The following ZNF277 variants were observed in gnomAD, a reference collection of about 807,000 sequenced individuals.
The protein encoded by ZNF277 is zinc finger protein 277.
In ZNF277, 55 loss-of-function variants were observed where a neutral mutation model predicts 60.7. The observed-to-expected ratio is 0.91, with a 90% CI of 0.73 to 1.13. ZNF277 has a LOEUF of 1.13. Ranked by LOEUF, ZNF277 falls within the 50% of genes most tolerant of loss-of-function variation. ZNF277 has a pLI of 0.00. For synonymous variants in ZNF277, 178 were observed against 179.3 expected, an observed-to-expected ratio of 0.99 and a Z score of 0.06; for missense variants, 510 against 523.0, an observed-to-expected ratio of 0.98 and a Z score of 0.24.
At chr7:112,339,302 A>C (rs1374166785) in intron 9 of ZNF277, among the ~76,000 whole-genome samples, 14 of 152,210 alleles carry the variant, frequency 9.2e-5, no homozygotes, top group African/African-American at 3.4e-4. Context: ...TATAGATATA[A>C]GCTATGAGCA....
chr7:112,212,552 C>T (rs1821778811), intron 1 of ZNF277, among the ~76,000 whole-genome samples: 1 of 152,172 alleles, frequency 6.6e-6, no homozygotes, highest in Admixed American at 6.5e-5. Flanking sequence ...AGTCAGACCT[C>T]AGTAAGTATT....
intron 1 of ZNF277, among the ~76,000 whole-genome samples, chr7:112,209,074 T>C (rs1380335843): frequency 6.6e-6 from 1 of 152,182 alleles, no homozygotes; most frequent in Non-Finnish European, 1.5e-5. Context: ...ATAGAAACCC[T>C]TCCACGTCAG....
intron 5 of ZNF277, among the ~76,000 whole-genome samples, chr7:112,323,802 G>A (rs77249016): frequency 0.11 from 17,489 of 152,218 alleles, 1,215 homozygotes; most frequent in East Asian, 0.15. Flanking sequence ...TTCCAGAAGT[G>A]CTTCTCTCAA....
At chr7:112,241,979 A>G (rs574562761) in intron 1 of ZNF277, among the ~76,000 whole-genome samples, 1 of 152,242 alleles carries the variant, frequency 6.6e-6, no homozygotes, top group East Asian at 1.9e-4. Flanking sequence ...CCTATTGTAC[A>G]TTTAAAAAAT....
Position 112,215,163 on chromosome 7 carries a change from T to C in ZNF277, c.91+8356T>C, listed in dbSNP as rs555263626. On this transcript the variant is annotated intron_variant, in intron 1 of 11. Transcript: ENST00000361822. ...TCAAAAGGAGCTGTCAGCTAAAAGC[T>C]GTATGACCTTCAGCAAGTAATAGGA... 5.3e-5 allele frequency among the ~76,000 whole-genome samples: 8 copies of C among 152,360 alleles called. No individual in the cohort carries two copies. In the East Asian group the frequency reaches 1.5e-3, roughly 29 times the overall value.
intron 1 of ZNF277, among the ~76,000 whole-genome samples, chr7:112,259,846 A>C (rs1791402510): frequency 6.6e-6 from 1 of 152,190 alleles, no homozygotes; most frequent in South Asian, 2.1e-4. Context: ...GCAGTGTCCC[A>C]GGTACCATAT....
At chr7:112,303,214 G>A (rs138814702) in intron 4 of ZNF277, among the ~76,000 whole-genome samples, 1 of 152,156 alleles carries the variant, frequency 6.6e-6, no homozygotes, top group East Asian at 1.9e-4. Flanking sequence ...GCCTCCCAAA[G>A]TGCTGGGATT....
chr7:112,336,250 G>A, intron 8 of ZNF277, 79 bp downstream of exon 8: 2 of 1,313,124 alleles, frequency 1.5e-6, no homozygotes, highest in Non-Finnish European at 2.1e-6. Context: ...TTTAAATTAT[G>A]AAGCGGGAAC....
intron 5 of ZNF277, among the ~76,000 whole-genome samples, chr7:112,319,056 G>A (rs2117112789): frequency 1.3e-5 from 2 of 152,166 alleles, no homozygotes; most frequent in South Asian, 2.1e-4. Flanking sequence ...AAGGAATTAG[G>A]ACCTGTCACC....
At chr7:112,271,718 C>G (rs1791672132) in intron 1 of ZNF277, among the ~76,000 whole-genome samples, 1 of 152,082 alleles carries the variant, frequency 6.6e-6, no homozygotes. Flanking sequence ...ATCTTACTTG[C>G]TAGATATGGG....
chr7:112,331,902 G>A (rs1363006931), intron 7 of ZNF277, among the ~76,000 whole-genome samples: 1 of 152,198 alleles, frequency 6.6e-6, no homozygotes, highest in Non-Finnish European at 1.5e-5. Context: ...CTTGAGACTA[G>A]CAGAACATTA....
chr7:112,318,682 G>A (rs1454178586), intron 5 of ZNF277, among the ~76,000 whole-genome samples: 2 of 151,974 alleles, frequency 1.3e-5, no homozygotes, highest in Admixed American at 1.3e-4. Flanking sequence ...ACCCCAGCTG[G>A]TCCAAAACCA....
intron 4 of ZNF277, among the ~76,000 whole-genome samples, chr7:112,316,042 G>C (rs1301600844): frequency 2.0e-5 from 3 of 152,120 alleles, no homozygotes; most frequent in Admixed American, 2.0e-4. Flanking sequence ...GTGATATCAT[G>C]AAAATAGCAC....
intron 4 of ZNF277, among the ~76,000 whole-genome samples, chr7:112,301,804 CTGTTGTAT>C (rs1331898923): frequency 6.6e-5 from 10 of 150,972 alleles, no homozygotes; most frequent in Non-Finnish European, 1.5e-4. Flanking sequence ...GCAGTTTAGA[CTGTTGTAT>C]TAACATTTCT....
Position 112,327,717 on chromosome 7 carries a change from A to G in ZNF277, c.558A>G (p.Arg186=), listed in dbSNP as rs753045878. Residue 186 remains arginine, a splice_region_variant and synonymous_variant, in exon 6 of 12, where the codon AGA becomes AGG. Transcript: ENST00000361822. ...MFCNEEFLGN[R]SVILNHMARE... Reference sequence around the variant, plus strand: ...CCTAATTGCTCAAATTTCTTCCTAGATCTGTTATTTTGAACCACATGGCCA... The same window carrying G: ...CCTAATTGCTCAAATTTCTTCCTAGGTCTGTTATTTTGAACCACATGGCCA... The G allele has an allele frequency of 1.2e-6, 2 of 1,609,778 alleles. No homozygotes were observed. Among genetic ancestry groups the G allele is most frequent in the African/African-American group, 1.3e-5 (1 of 74,732 alleles).
At chr7:112,206,898 C>T in intron 1 of ZNF277, 91 bp downstream of exon 1, 1 of 1,333,810 alleles carries the variant, frequency 7.5e-7, no homozygotes, top group South Asian at 1.3e-5. Flanking sequence ...CCTAGGAGCC[C>T]TTCAGCTCTG....
intron 8 of ZNF277, among the ~76,000 whole-genome samples, 164 bp from the exon 9 acceptor site, chr7:112,337,566 A>G (rs967851847): frequency 3.9e-5 from 6 of 152,218 alleles, no homozygotes; most frequent in African/African-American, 7.2e-5. Context: ...TTCAAAAGCT[A>G]TATCAGAGAG....
At chr7:112,282,892 A>T (rs1791979972) in intron 1 of ZNF277, among the ~76,000 whole-genome samples, 1 of 152,238 alleles carries the variant, frequency 6.6e-6, no homozygotes, top group African/African-American at 2.4e-5. Flanking sequence ...TGTAAAACAG[A>T]GATGGAAGTG....
At chr7:112,340,031 G>C in intron 10 of ZNF277, 146 bp downstream of exon 10, 2 of 728,690 alleles carry the variant, frequency 2.7e-6, no homozygotes, top group Non-Finnish European at 2.3e-6. Flanking sequence ...AACTCTCTGT[G>C]AAGCAGTGAT....
Sources: gnomAD v4.1 joint callset for allele counts (sites outside exome capture counted in the v4.1 genomes callset) on GRCh38, gnomAD v4.1.1 for gene constraint, MANE v1.5 for transcripts, NCBI Gene and HGNC (gene_info 2026-07-23, HGNC 2026-07-21) for gene names.